Variants in NPC1 observed in about 807,000 individuals in gnomAD.
The protein encoded by NPC1 is NPC intracellular cholesterol transporter 1, also known as Niemann-Pick C1 protein.
NPC1 carries 85 observed loss-of-function variants against 140.4 expected under a neutral mutation model. The observed-to-expected ratio is 0.61, with a 90% confidence interval of 0.51 to 0.72. The LOEUF (loss-of-function observed/expected upper bound fraction) is 0.72. NPC1 is among the 30% of genes least tolerant of loss of function. The probability of loss-of-function intolerance (pLI) is 0.00; values close to 1 mark genes in which losing one functional copy is unlikely to be tolerated. For missense variants in NPC1, 1,504 were observed against 1,623.8 expected, an observed-to-expected ratio of 0.93 and a Z score of 1.27; for synonymous variants, 656 against 624.8, an observed-to-expected ratio of 1.05 and a Z score of -0.74.
intron 10 of NPC1, among the ~76,000 whole-genome samples, chr18:23,549,465 G>A (rs2058835783): frequency 6.6e-6 from 1 of 152,036 alleles, no homozygotes; most frequent in Middle Eastern, 3.4e-3. Context: ...AGGCAAAACC[G>A]TGTCTCTACT....
Position 23,540,525 on chromosome 18 carries a change from C to T in NPC1, c.2527G>A (p.Val843Met). 1 of 1,610,568 alleles carries T rather than the reference C, an allele frequency of 6.2e-7. No homozygotes were observed. The change falls in exon 17 of 25, where the codon GTG becomes ATG. Residue 843 changes from valine (V) to methionine (M), a missense_variant. Physicochemically the swap from Val to Met is conservative, Grantham distance 21. Transcript: ENST00000269228. ...WMRPIVIAIFVGVLSFSIAVL... is the reference protein window; with the variant it reads ...WMRPIVIAIFMGVLSFSIAVL... Reference sequence around the variant, plus strand: ...GCGATGCTGAATGACAGAACACCCACAAATATTGCTATCTGGAACAACAAA... The same window carrying T: ...GCGATGCTGAATGACAGAACACCCATAAATATTGCTATCTGGAACAACAAA...
At chr18:23,529,868 TG>T, downstream of NPC1, 7 of 1,034,658 alleles carry the variant, frequency 6.8e-6, no homozygotes, top group South Asian at 1.0e-4. Context: ...GAATGGGAAG[TG>T]TAAGGTCAAG....
intron 20 of NPC1, among the ~76,000 whole-genome samples, chr18:23,538,280 C>A (rs965826670): frequency 6.6e-6 from 1 of 152,206 alleles, no homozygotes; most frequent in East Asian, 1.9e-4. Context: ...CAGGAATCTG[C>A]GTTCATTCTC....
rs368241878 is a variant in NPC1, at chr18:23,545,171, A to G, written c.1758-22T>C. The G allele has an allele frequency of 9.0e-5, 139 of 1,549,880 alleles. No individual in the cohort carries two copies. The African/African-American group carries it at 1.4e-3, about 16-fold the overall frequency. On this transcript the variant is annotated intron_variant, in intron 11 of 24. Transcript: ENST00000269228. ...AAACCTAAAAGGTAAGCAAAATGTT[A>G]TATTTTTAGTTAAACTAACTGACAG...
intron 11 of NPC1, among the ~76,000 whole-genome samples, chr18:23,546,624 A>C (rs1362512070): frequency 6.6e-6 from 1 of 152,244 alleles, no homozygotes; most frequent in Non-Finnish European, 1.5e-5. Context: ...AGTGTTTGTC[A>C]GTTGATAAAT....
intron 14 of NPC1, 44 bp downstream of exon 14, chr18:23,543,411 G>T: frequency 1.8e-6 from 2 of 1,108,886 alleles, no homozygotes; most frequent in Non-Finnish European, 2.8e-6. Flanking sequence ...TCTTTCTCCA[G>T]GCTCAGCAGA....
intron 9 of NPC1, among the ~76,000 whole-genome samples, 149 bp downstream of exon 9, chr18:23,554,605 CAAAA>C (rs11340795): frequency 2.2e-5 from 3 of 134,922 alleles, no homozygotes; most frequent in Non-Finnish European, 3.3e-5. Context: ...GACCCTGTCT[CAAAA>C]AAAAAAAAAA....
At chr18:23,560,525 T>C (rs768214909) in intron 5 of NPC1, 45 bp from the exon 6 acceptor site, 5 of 1,606,946 alleles carry the variant, frequency 3.1e-6, no homozygotes, top group African/African-American at 1.3e-5. Context: ...ATTAAAAACA[T>C]CCAAAATTTT....
downstream of NPC1, chr18:23,531,333 ATCATC>A: frequency 2.9e-6 from 1 of 346,772 alleles, no homozygotes; most frequent in South Asian, 5.0e-5. Context: ...AACCTAAGAC[ATCATC>A]TTTAGGATAG....
downstream of NPC1, chr18:23,530,373 T>C (rs772307702): frequency 1.2e-6 from 2 of 1,614,088 alleles, no homozygotes; most frequent in Middle Eastern, 3.3e-4. Flanking sequence ...TGGACTTCTC[T>C]CCCTTACTGC....
At chr18:23,516,794 C>T (rs1446822541) in intron 3 of NPC1, among the ~76,000 whole-genome samples, 2 of 148,528 alleles carry the variant, frequency 1.3e-5, no homozygotes, top group Non-Finnish European at 3.0e-5. Context: ...GGTGCAGTGT[C>T]GGCTCACTGC....
At chr18:23,586,140 A>G in intron 1 of NPC1, 147 bp downstream of exon 1, 2 of 816,198 alleles carry the variant, frequency 2.5e-6, no homozygotes, top group Admixed American at 2.9e-5. Flanking sequence ...AGACAGAAAC[A>G]GGACAAGTGA....
chr18:23,567,608 T>C (rs2059144388), intron 4 of NPC1, among the ~76,000 whole-genome samples: 2 of 152,340 alleles, frequency 1.3e-5, no homozygotes, highest in South Asian at 4.1e-4. Context: ...AGGTCTTCAA[T>C]TTTTCACAAT....
chr18:23,580,001 G>A (rs1228946121), intron 1 of NPC1, among the ~76,000 whole-genome samples: 1 of 152,094 alleles, frequency 6.6e-6, no homozygotes, highest in Non-Finnish European at 1.5e-5. Flanking sequence ...TGAACTCAGT[G>A]AGAATTCTAT....
chr18:23,547,995 G>A lies in NPC1; in HGVS notation c.1757+11C>T. The stretch of plus-strand genomic sequence containing the variant: ...GCAAGGACAGTCTGCTCACACCCAT[G>A]AGTGACTCACTCTTTTTCCCAGGCC... On this transcript the variant is annotated intron_variant, in intron 11 of 24. Transcript: ENST00000269228. 2.7e-6 allele frequency: 4 copies of A among 1,454,806 alleles called. No homozygotes were observed. The highest frequency in any genetic ancestry group is 3.9e-6 in the Non-Finnish European group (4 of 1,034,896). The allele number at this position is 1,454,806 out of a possible 1,614,324, so 90.1% of individuals were successfully genotyped here.
chr18:23,543,111 T>C (rs952714336), intron 14 of NPC1, among the ~76,000 whole-genome samples: 3 of 152,220 alleles, frequency 2.0e-5, no homozygotes, highest in African/African-American at 7.2e-5. Context: ...GTACATCACC[T>C]GAGGTCAGGA....
rs2059289077 is a variant in NPC1, at chr18:23,576,858, TGGACCCAAA to T, written c.58-3293_58-3285del. On this transcript the variant is annotated intron_variant, in intron 1 of 24. Coordinates refer to ENST00000269228, the MANE Select transcript of NPC1 (RefSeq NM_000271.5). ...AGTGTTACAGCTCATAAAAGCAGTG[TGGACCCAAA>T]GAGTGAGCAGTAGCAAGATTTATTG... The T allele has an allele frequency of 2.5e-5, 4 of 157,036 alleles. No homozygotes were observed. The Admixed American group carries it at 2.6e-4, about 10-fold the overall frequency. The allele number at this position is 157,036 out of a possible 1,614,324, so 9.7% of individuals were successfully genotyped here.
intron 10 of NPC1, 116 bp from the exon 11 acceptor site, chr18:23,548,224 T>A: frequency 1.4e-6 from 1 of 732,986 alleles, no homozygotes; most frequent in African/African-American, 1.7e-5. Flanking sequence ...ACTGTATCTC[T>A]GGGCTCTAAG....
At chr18:23,529,321 T>C, downstream of NPC1, 1 of 1,599,524 alleles carries the variant, frequency 6.3e-7, no homozygotes, top group Admixed American at 1.8e-5. Flanking sequence ...TTTCCGCCTC[T>C]TCTGGACTGA....
Sources: gnomAD v4.1 joint callset for allele counts (sites outside exome capture counted in the v4.1 genomes callset) on GRCh38, gnomAD v4.1.1 for gene constraint, MANE v1.5 for transcripts, NCBI Gene and HGNC (gene_info 2026-07-23, HGNC 2026-07-21) for gene names.